The following ZNF763 variants were observed in gnomAD, a reference collection of about 807,000 sequenced individuals.
The protein encoded by ZNF763 is DNA-binding protein.
ZNF763 carries 33 observed loss-of-function variants against 38.0 expected under a neutral mutation model. The ratio of observed to expected loss-of-function variants is 0.87; its 90% CI spans 0.66 to 1.16. ZNF763 has a LOEUF of 1.16. ZNF763 is among the 50% of genes most tolerant of loss of function. The pLI is 0.00. For missense variants in ZNF763, 423 were observed against 469.1 expected (o/e 0.90, Z 0.91); for synonymous variants, 155 against 160.1 (o/e 0.97, Z 0.24).
In ZNF763 at chr19:11,977,825, T is replaced by G. The variant is rs1973528935; in HGVS notation, c.192-291T>G. Among the ~76,000 whole-genome samples the G allele has an allele frequency of 2.0e-5, 3 of 152,180 alleles. No individual in the cohort carries two copies. The South Asian group carries it at 6.2e-4, about 32-fold the overall frequency. On this transcript the variant is annotated intron_variant, in intron 3 of 3. Transcript: ENST00000358987. ...GTAAGCAATGATGATATCACTGTAC[T>G]CCAGGATGGTCACAGGATGAGACCC...
chr19:11,972,208 C>G (rs1973367225), intron 1 of ZNF763, among the ~76,000 whole-genome samples: 1 of 151,790 alleles, frequency 6.6e-6, no homozygotes, highest in South Asian at 2.1e-4. Flanking sequence ...TCTGTTGAGC[C>G]TAGGAGTTTG....
At chr19:11,976,837 A>C in intron 1 of ZNF763, 1 of 1,406,358 alleles carries the variant, frequency 7.1e-7, no homozygotes, top group Non-Finnish European at 9.2e-7. Flanking sequence ...CTGGGCAACA[A>C]GTTGTTGTTT....
At chr19:11,974,040 T>TTTTC (rs140391291) in intron 1 of ZNF763, among the ~76,000 whole-genome samples, 8 of 150,698 alleles carry the variant, frequency 5.3e-5, no homozygotes, top group East Asian at 3.9e-4. Flanking sequence ...TGCCTCATTG[T>TTTTC]TTTCTTTCTT....
chr19:11,973,629 T>C (rs1426251539), intron 1 of ZNF763, among the ~76,000 whole-genome samples: 1 of 152,174 alleles, frequency 6.6e-6, no homozygotes, highest in Admixed American at 6.5e-5. Flanking sequence ...ATCCCTGAAT[T>C]CCCAGCATAT....
intron 1 of ZNF763, among the ~76,000 whole-genome samples, chr19:11,976,342 A>G (rs1243990035): frequency 1.3e-5 from 2 of 151,914 alleles, no homozygotes; most frequent in East Asian, 1.9e-4. Flanking sequence ...GTGAATGCAC[A>G]CATTTTCCCA....
At position 11,965,048 on chromosome 19, in the gene ZNF763, A is replaced by T; in HGVS notation, c.-161A>T. 1 of 853,342 alleles carries T rather than the reference A, an allele frequency of 1.2e-6. No individual in the cohort carries two copies. The highest frequency in any genetic ancestry group is 1.9e-6 in the Non-Finnish European group (1 of 529,920). 52.9% of individuals were successfully genotyped at this position (853,342 alleles called of 1,614,324 possible). On this transcript the variant is annotated 5_prime_UTR_variant, in exon 1 of 4. Transcript: ENST00000358987. ...CAGAGTGGGTCGCATTCCTGTCCTC[A>T]CCTTTGTCCTTGCGCAGCCGGTGGT...
At position 11,979,630 on chromosome 19, in the gene ZNF763, G is replaced by A. The variant is rs562035761; in HGVS notation, c.*521G>A. ...CTCACACTGGAGAGAAACCCTATGA[G>A]TGTAAGCAATGTGGGAAAGCCTTCA... On this transcript the variant is annotated 3_prime_UTR_variant, in exon 4 of 4. Transcript: ENST00000358987. 9 of 1,605,544 alleles carry A rather than the reference G, an allele frequency of 5.6e-6. No homozygotes were observed. The African/African-American group carries it at 8.0e-5, about 14-fold the overall frequency.
In ZNF763 at chr19:11,974,114, TTTCTTTCTTTCTTTTC is replaced by T. The variant is rs1324568026; in HGVS notation, c.4-2921_4-2906del. ...CTTTCTTTCTTTCTTTCTTTCTTTC[TTTCTTTCTTTCTTTTC>T]TTTCTTTCTTTCTTTCTTTCTTTCT... is the stretch of plus-strand genomic sequence containing the variant. On this transcript the variant is annotated intron_variant, in intron 1 of 3. Coordinates refer to ENST00000358987, the MANE Select transcript of ZNF763 (RefSeq NM_001367172.2). Among the ~76,000 whole-genome samples the T allele has an allele frequency of 2.8e-3, 240 of 84,976 alleles. 1 individual carries two copies. Among genetic ancestry groups the T allele is most frequent in the Non-Finnish European group, 3.3e-3 (137 of 40,942 alleles). The allele number at this position is 84,976 out of a possible 152,430, so 55.7% of individuals were successfully genotyped here. A position where few individuals can be genotyped will look rare whatever the true frequency, so the allele number is the denominator to read the frequency against.
At chr19:11,966,536 G>A (rs1973232890) in intron 1 of ZNF763, among the ~76,000 whole-genome samples, 1 of 152,034 alleles carries the variant, frequency 6.6e-6, no homozygotes, top group East Asian at 1.9e-4. Flanking sequence ...ACCATGCCTG[G>A]CTAATTTTTG....
chr19:11,965,524 A>G (rs555152613), intron 1 of ZNF763, among the ~76,000 whole-genome samples: 1 of 152,196 alleles, frequency 6.6e-6, no homozygotes, highest in African/African-American at 2.4e-5. Context: ...CATGGGGGAA[A>G]TCCTGACTCG....
chr19:11,967,570 A>AT (rs1973261438), intron 1 of ZNF763, among the ~76,000 whole-genome samples: 1 of 151,982 alleles, frequency 6.6e-6, no homozygotes, highest in Non-Finnish European at 1.5e-5. Flanking sequence ...CGCTCGGCTA[A>AT]TTTTTTGTAT....
In ZNF763 at chr19:11,979,972, G is replaced by C; in HGVS notation, c.*863G>C. On this transcript the variant is annotated 3_prime_UTR_variant, in exon 4 of 4. Coordinates refer to ENST00000358987, the MANE Select transcript of ZNF763 (RefSeq NM_001367172.2). The stretch of plus-strand genomic sequence containing the variant: ...TACCTGAAAAATCTTACACTGGAGA[G>C]AAACCCTATGAGTGTAAGCAATGTG... The C allele has an allele frequency of 8.2e-7, 1 of 1,218,282 alleles. No individual in the cohort carries two copies. The highest frequency in any genetic ancestry group is 1.2e-6 in the Non-Finnish European group (1 of 834,466). 75.5% of individuals were successfully genotyped at this position (1,218,282 alleles called of 1,614,324 possible).
At chr19:11,974,470 A>G (rs72988662) in intron 1 of ZNF763, among the ~76,000 whole-genome samples, 1,922 of 152,018 alleles carry the variant, frequency 0.013, 23 homozygotes, top group South Asian at 0.024. Context: ...ATGCTCAATT[A>G]TAGGTGTGAG....
At chr19:11,965,775 C>G (rs561160455) in intron 1 of ZNF763, among the ~76,000 whole-genome samples, 24 of 152,244 alleles carry the variant, frequency 1.6e-4, no homozygotes, top group African/African-American at 7.2e-5. Context: ...AAACACAACC[C>G]CAAGAAGCCT....
intron 1 of ZNF763, chr19:11,976,822 C>G: frequency 1.5e-6 from 2 of 1,364,840 alleles, no homozygotes; most frequent in Non-Finnish European, 9.5e-7. Flanking sequence ...TCATTATACT[C>G]CAGCCTGGGC....
At chr19:11,975,252 G>A (rs1253155093) in intron 1 of ZNF763, among the ~76,000 whole-genome samples, 2 of 151,732 alleles carry the variant, frequency 1.3e-5, no homozygotes, top group African/African-American at 4.8e-5. Flanking sequence ...CGCATGTTTA[G>A]TAAAGATGGG....
chr19:11,965,390 G>T (rs1244090201), intron 1 of ZNF763, among the ~76,000 whole-genome samples, 179 bp downstream of exon 1: 3 of 152,196 alleles, frequency 2.0e-5, no homozygotes, highest in Non-Finnish European at 4.4e-5. Context: ...GCTGGCAGCC[G>T]GGACCCCGGG....
intron 1 of ZNF763, among the ~76,000 whole-genome samples, chr19:11,970,134 C>T (rs969878831): frequency 6.6e-6 from 1 of 152,226 alleles, no homozygotes; most frequent in African/African-American, 2.4e-5. Flanking sequence ...CCCAACTCCA[C>T]TTTCCATTAA....
intron 1 of ZNF763, 56 bp downstream of exon 1, chr19:11,965,267 C>T (rs1033676774): frequency 6.8e-6 from 11 of 1,611,918 alleles, no homozygotes; most frequent in Non-Finnish European, 8.5e-6. Context: ...TGGAACCGGC[C>T]GGAACCGGCT....
Sources: gnomAD v4.1 joint callset for allele counts (sites outside exome capture counted in the v4.1 genomes callset) on GRCh38, gnomAD v4.1.1 for gene constraint, MANE v1.5 for transcripts, NCBI Gene and HGNC (gene_info 2026-07-23, HGNC 2026-07-21) for gene names.